VWA3B: variants seen among roughly 807,000 people sequenced by gnomAD.
VWA3B encodes von Willebrand factor A domain containing 3B.
In VWA3B, 138 loss-of-function variants were observed where a neutral mutation model predicts 158.3. That is an observed-to-expected ratio of 0.87 (90% confidence interval 0.76 to 1.00). The LOEUF (loss-of-function observed/expected upper bound fraction) is 1.00. VWA3B is among the 50% of genes least tolerant of loss of function. The pLI, the probability that VWA3B is intolerant of heterozygous loss-of-function variation, is 0.00. For synonymous variants in VWA3B, 596 were observed against 587.3 expected, an observed-to-expected ratio of 1.01 and a Z score of -0.21; for missense variants, 1,555 against 1,565.1, an observed-to-expected ratio of 0.99 and a Z score of 0.11.
At chr2:98,299,223 T>C (rs1417912145) in intron 24 of VWA3B, among the ~76,000 whole-genome samples, 1 of 152,174 alleles carries the variant, frequency 6.6e-6, no homozygotes, top group Admixed American at 6.5e-5. Context: ...CAGACCTTGG[T>C]GCTTCGCTTG....
At chr2:98,216,652 A>G (rs896166511) in intron 13 of VWA3B, 2 of 465,250 alleles carry the variant, frequency 4.3e-6, no homozygotes, top group African/African-American at 4.0e-5. Flanking sequence ...AGCAGAGGGA[A>G]TGGGGAAAGT....
intron 6 of VWA3B, 98 bp downstream of exon 6, chr2:98,128,506 G>C: frequency 8.0e-7 from 1 of 1,252,376 alleles, no homozygotes; most frequent in Non-Finnish European, 1.1e-6. Flanking sequence ...TAACCAATCT[G>C]TTGCTGTGTT....
At chr2:98,244,657 G>A (rs1240153982) in intron 19 of VWA3B, among the ~76,000 whole-genome samples, 3 of 152,076 alleles carry the variant, frequency 2.0e-5, no homozygotes, top group African/African-American at 7.3e-5. Context: ...TTTGGGACAT[G>A]TTTTGTTCTA....
downstream of VWA3B, among the ~76,000 whole-genome samples, chr2:98,316,496 T>A (rs1171803037): frequency 6.6e-6 from 1 of 151,936 alleles, no homozygotes; most frequent in African/African-American, 2.4e-5. Flanking sequence ...TACAAAAAAA[T>A]TGCTGGGTGT....
chr2:98,218,576 A>G lies in VWA3B; in HGVS notation c.2019+548A>G, dbSNP rs550792087. Among the ~76,000 whole-genome samples, 8 of 152,348 alleles carry G rather than the reference A, an allele frequency of 5.3e-5. No individual in the cohort carries two copies. In the East Asian group the frequency reaches 1.5e-3, roughly 29 times the overall value. ...ACCTCTCAGACTATATAACCATTTGACCACCTGATAAAGCAATTTATTCTA... is the reference window on the plus strand; with the variant it reads ...ACCTCTCAGACTATATAACCATTTGGCCACCTGATAAAGCAATTTATTCTA... On this transcript the variant is annotated intron_variant, in intron 14 of 27. Transcript: ENST00000477737.
In VWA3B at chr2:98,127,606, G is replaced by T. The variant is rs1396610183; in HGVS notation, c.703-633G>T. On this transcript the variant is annotated intron_variant, in intron 5 of 27. Coordinates refer to ENST00000477737, the MANE Select transcript of VWA3B (RefSeq NM_144992.5). ...TGTGTGTGTGGGCGGGGGGGGGGGG[G>T]GTGTGTCCTGACACAGGGGTTGCTT... 3.8e-4 allele frequency among the ~76,000 whole-genome samples: 27 copies of T among 70,514 alleles called. 1 individual carries two copies. The highest frequency in any genetic ancestry group is 1.0e-3 in the African/African-American group (15 of 14,484). The allele number at this position is 70,514 out of a possible 152,430, so 46.3% of individuals were successfully genotyped here.
chr2:98,126,752 C>T (rs962888533), intron 5 of VWA3B, among the ~76,000 whole-genome samples: 9 of 152,152 alleles, frequency 5.9e-5, no homozygotes, highest in African/African-American at 1.7e-4. Context: ...CAGGAGCTGG[C>T]GTTGAAAGGC....
At chr2:98,206,653 G>A in intron 12 of VWA3B, 1 of 358,898 alleles carries the variant, frequency 2.8e-6, no homozygotes, top group Non-Finnish European at 5.5e-6. Flanking sequence ...TTTATGTTGA[G>A]GCTCCTGAGT....
In VWA3B at chr2:98,294,184, T is replaced by TCACA. The variant is rs201470274; in HGVS notation, c.3157+3579_3157+3582dup. ...GTTCACTGTGAGTCACTATTTTCCCTCACACACACACACACACACAAAAAA... is the reference window on the plus strand; with the variant it reads ...GTTCACTGTGAGTCACTATTTTCCCTCACACACACACACACACACACACAAAAAA... On this transcript the variant is annotated intron_variant, in intron 23 of 27. Coordinates refer to ENST00000477737, the MANE Select transcript of VWA3B (RefSeq NM_144992.5). 6.2e-3 allele frequency among the ~76,000 whole-genome samples: 419 copies of TCACA among 68,086 alleles called. 10 individuals are homozygous for TCACA. The highest frequency in any genetic ancestry group is 0.01 in the Middle Eastern group (1 of 96). 44.7% of individuals were successfully genotyped at this position (68,086 alleles called of 152,430 possible).
Position 98,239,336 on chromosome 2 carries a change from G to A in VWA3B, c.2673+2606G>A, listed in dbSNP as rs530525317. ...AAGAATAAGTTTCACACGATGAAAA[G>A]TCCTCGTGCTAAATGAAATATCGTG... On this transcript the variant is annotated intron_variant, in intron 19 of 27. Transcript: ENST00000477737. 3.3e-4 allele frequency among the ~76,000 whole-genome samples: 50 copies of A among 152,062 alleles called. 2 individuals are homozygous for A. In the South Asian group the frequency reaches 0.01, roughly 31 times the overall value.
chr2:98,241,706 G>A (rs1251782465), intron 19 of VWA3B, among the ~76,000 whole-genome samples: 1 of 151,988 alleles, frequency 6.6e-6, no homozygotes, highest in Non-Finnish European at 1.5e-5. Context: ...CCAGGGGAGG[G>A]GATGAACAGT....
chr2:98,226,832 G>A (rs1002983878), intron 14 of VWA3B, among the ~76,000 whole-genome samples: 1 of 152,066 alleles, frequency 6.6e-6, no homozygotes, highest in Non-Finnish European at 1.5e-5. Context: ...GGTCAACATC[G>A]TAAAATTCAA....
At chr2:98,208,638 A>G (rs1683230130) in intron 12 of VWA3B, among the ~76,000 whole-genome samples, 1 of 152,188 alleles carries the variant, frequency 6.6e-6, no homozygotes, top group African/African-American at 2.4e-5. Context: ...CTTCAAGTTA[A>G]GTGTAGCAAC....
Position 98,290,559 on chromosome 2 carries a change from C to T in VWA3B, c.3094C>T (p.Pro1032Ser). The T allele has an allele frequency of 6.3e-7, 1 of 1,590,466 alleles. No individual in the cohort carries two copies. Among genetic ancestry groups the T allele is most frequent in the Non-Finnish European group, 8.5e-7 (1 of 1,173,702 alleles). The stretch of plus-strand genomic sequence containing the variant: ...AACAAAGAAAACCAAATCAAAAAGA[C>T]CAGATCCCCTCAAAGGACAGAAGGT... Reference protein sequence around the residue: ...NPTKKTKSKRPDPLKGQKVIA... With the variant: ...NPTKKTKSKRSDPLKGQKVIA... Residue 1032 changes from proline (P) to serine (S), a missense_variant, in exon 23 of 28, where the codon CCA becomes TCA. Coordinates refer to ENST00000477737, the MANE Select transcript of VWA3B (RefSeq NM_144992.5).
At chr2:98,230,743 G>A (rs1262328969) in intron 16 of VWA3B, among the ~76,000 whole-genome samples, 2 of 152,120 alleles carry the variant, frequency 1.3e-5, no homozygotes, top group African/African-American at 4.8e-5. Flanking sequence ...AAAATTGGGG[G>A]AAAGGATGCC....
At chr2:98,253,818 T>C (rs768388922) in intron 20 of VWA3B, among the ~76,000 whole-genome samples, 14 of 152,116 alleles carry the variant, frequency 9.2e-5, no homozygotes, top group Non-Finnish European at 1.5e-4. Context: ...AGGGAAACTT[T>C]GTTAGAAAAA....
intron 11 of VWA3B, 29 bp from the exon 12 acceptor site, chr2:98,194,332 T>A (rs768421923): frequency 5.0e-6 from 8 of 1,607,200 alleles, no homozygotes; most frequent in Non-Finnish European, 6.8e-6. Flanking sequence ...TGAGTGGTTT[T>A]ATGGTTAAAT....
intron 7 of VWA3B, among the ~76,000 whole-genome samples, chr2:98,149,997 GATAA>G (rs1050913626): frequency 3.0e-4 from 45 of 152,158 alleles, no homozygotes; most frequent in Non-Finnish European, 4.0e-4. Context: ...TAATGAGTTT[GATAA>G]ATAAATTGTA....
intron 19 of VWA3B, among the ~76,000 whole-genome samples, chr2:98,240,670 G>A (rs1686019748): frequency 1.3e-5 from 2 of 152,112 alleles, no homozygotes; most frequent in Admixed American, 1.3e-4. Context: ...CCTGAAAGTA[G>A]GATGCAGACA....
Sources: gnomAD v4.1 joint callset for allele counts (sites outside exome capture counted in the v4.1 genomes callset) on GRCh38, gnomAD v4.1.1 for gene constraint, MANE v1.5 for transcripts, NCBI Gene and HGNC (gene_info 2026-07-23, HGNC 2026-07-21) for gene names.